Variants in STYX observed in about 807,000 individuals in gnomAD.
The protein encoded by STYX is serine/threonine/tyrosine interacting protein, also known as serine/threonine/tyrosine-interacting protein.
Under a neutral mutation model 42.7 loss-of-function variants are expected in STYX, and 20 were observed. That is an observed-to-expected ratio of 0.47 (90% CI 0.33 to 0.68). The LOEUF is 0.68. Ranked by LOEUF, STYX falls within the 30% of genes least tolerant of loss-of-function variation. STYX has a pLI of 0.02. For missense variants in STYX, 226 were observed against 268.5 expected (o/e 0.84, Z 1.11); for synonymous variants, 78 against 81.9 (o/e 0.95, Z 0.26).
At chr14:52,744,930 T>TA in intron 2 of STYX, 46 bp downstream of exon 2, 2 of 1,585,662 alleles carry the variant, frequency 1.3e-6, no homozygotes, top group Non-Finnish European at 1.7e-6. Context: ...GTTATTATCA[T>TA]AATAAGAACC....
rs955167141 is a variant in STYX at position 52,749,741 on chromosome 14, A to T, written c.145-942A>T. ...TGGTAATTTCTAGAATTGTCATGTT[A>T]AATTGCTTTAAGTATGGAGCCAAAA... is the stretch of plus-strand genomic sequence containing the variant. On this transcript the variant is annotated intron_variant, in intron 3 of 10. Coordinates refer to ENST00000354586, the MANE Select transcript of STYX (RefSeq NM_145251.4). 2.6e-5 allele frequency among the ~76,000 whole-genome samples: 4 copies of T among 152,264 alleles called. No homozygotes were observed. In the East Asian group the frequency reaches 7.7e-4, roughly 29 times the overall value.
chr14:52,768,806 T>C (rs766257739), intron 9 of STYX, 34 bp from the exon 10 acceptor site: 8 of 1,444,992 alleles, frequency 5.5e-6, no homozygotes, highest in Admixed American at 2.1e-5. Flanking sequence ...AATGTAAATA[T>C]ATAATTAAGT....
At chr14:52,758,483 T>C (rs551508727) in intron 8 of STYX, among the ~76,000 whole-genome samples, 14 of 152,366 alleles carry the variant, frequency 9.2e-5, no homozygotes, top group African/African-American at 2.6e-4. Flanking sequence ...CATTGACACA[T>C]CTTTCTATTT....
intron 4 of STYX, among the ~76,000 whole-genome samples, chr14:52,755,352 A>T (rs1316332384): frequency 6.6e-6 from 1 of 151,976 alleles, no homozygotes; most frequent in African/African-American, 2.4e-5. Flanking sequence ...TGAACTCCTG[A>T]CCTCAGGCAA....
In STYX at chr14:52,756,675, C is replaced by CT. The variant is rs748826005; in HGVS notation, c.303+92dup. ...TTTATGATTTGACTTCTTAGTTGTG[C>CT]TTTTTTTTTTTTTTTTTTTTTTTTT... is the stretch of plus-strand genomic sequence containing the variant. On this transcript the variant is annotated intron_variant, in intron 5 of 10. Transcript: ENST00000354586. 359 of 71,908 alleles carry CT rather than the reference C, an allele frequency of 5.0e-3. 59 individuals carry two copies. The highest frequency in any genetic ancestry group is 6.2e-3 in the Non-Finnish European group (248 of 39,714). 4.5% of individuals were successfully genotyped at this position (71,908 alleles called of 1,614,324 possible). A position where few individuals can be genotyped will look rare whatever the true frequency, so the allele number is the denominator to read the frequency against.
chr14:52,770,248 A>G (rs531399120), intron 10 of STYX, among the ~76,000 whole-genome samples: 50 of 152,196 alleles, frequency 3.3e-4, no homozygotes, highest in African/African-American at 1.0e-3. Context: ...TATCTTTATG[A>G]ATTTTATAGT....
rs1328512395 is a variant in STYX at position 52,762,877 on chromosome 14, TC to T, written c.504+3124del. Among the ~76,000 whole-genome samples, 466 of 122,254 alleles carry T rather than the reference TC, an allele frequency of 3.8e-3. 11 individuals are homozygous for T. Among genetic ancestry groups the T allele is most frequent in the African/African-American group, 0.014 (439 of 31,394 alleles). 80.2% of individuals were successfully genotyped at this position (122,254 alleles called of 152,430 possible). ...TTTTTCTTTTCTTTCTTTCTTTCTTTCTTTCTTTTTTTTTTTTTTTTTTTTT... is the reference window on the plus strand; with the variant it reads ...TTTTTCTTTTCTTTCTTTCTTTCTTTTTTCTTTTTTTTTTTTTTTTTTTTT... On this transcript the variant is annotated intron_variant, in intron 9 of 10. Transcript: ENST00000354586.
rs1306575741 is a variant in STYX at position 52,768,832 on chromosome 14, T to C, written c.505-8T>C. 6.4e-7 allele frequency: 1 copy of C among 1,555,344 alleles called. No homozygotes were observed. The highest frequency in any genetic ancestry group is 2.1e-5 in the Admixed American group (1 of 47,964). ...ATAATTAAGTTAATTAACTTATTTT[T>C]TTTTTAGGAATATGAAGCCATCTAC... On this transcript the variant is annotated splice_region_variant and splice_polypyrimidine_tract_variant and intron_variant, in intron 9 of 10. Coordinates refer to ENST00000354586, the MANE Select transcript of STYX (RefSeq NM_145251.4).
At chr14:52,732,922 C>T (rs934577473) in intron 1 of STYX, among the ~76,000 whole-genome samples, 7 of 151,126 alleles carry the variant, frequency 4.6e-5, no homozygotes, top group Non-Finnish European at 1.0e-4. Context: ...CCGCCTGCCT[C>T]GGCCTCCCAA....
At chr14:52,744,803 G>A (rs759000880) in intron 1 of STYX, 49 bp from the exon 2 acceptor site, 4 of 1,578,284 alleles carry the variant, frequency 2.5e-6, no homozygotes, top group Non-Finnish European at 3.5e-6. Context: ...CTTTAATTGG[G>A]TGACTTTTTA....
At chr14:52,764,751 C>T (rs1418280555) in intron 9 of STYX, among the ~76,000 whole-genome samples, 1 of 142,344 alleles carries the variant, frequency 7.0e-6, no homozygotes, top group Non-Finnish European at 1.5e-5. Context: ...TCACTGCAAC[C>T]TTTGCCTCCT....
At position 52,730,511 on chromosome 14, in the gene STYX, C is replaced by A; in HGVS notation, c.37C>A (p.Gln13Lys). The change falls in exon 1 of 11, where the codon CAG (glutamine) becomes AAG (lysine). Residue 13 changes from glutamine (Q) to lysine (K), a missense_variant. By Grantham distance (53) the Gln-to-Lys change is moderately conservative. Coordinates refer to ENST00000354586, the MANE Select transcript of STYX (RefSeq NM_145251.4). ...DVKLEFPSLPQCKEDAEEWTY... is the reference protein window; with the variant it reads ...DVKLEFPSLPKCKEDAEEWTY... ...GAAGCTGGAGTTCCCTTCCCTTCCA[C>A]AGTGCAAGGAAGACGCCGAGGTGAG... 6.2e-7 allele frequency: 1 copy of A among 1,613,688 alleles called. No homozygotes were observed. The highest frequency in any genetic ancestry group is 8.5e-7 in the Non-Finnish European group (1 of 1,179,876).
intron 9 of STYX, 85 bp downstream of exon 9, chr14:52,759,839 G>C: frequency 1.2e-6 from 1 of 843,126 alleles, no homozygotes; most frequent in South Asian, 1.6e-5. Flanking sequence ...TTTACTTTGT[G>C]AATACTTAAA....
chr14:52,769,064 G>T, intron 10 of STYX, 131 bp downstream of exon 10: 1 of 629,494 alleles, frequency 1.6e-6, no homozygotes, highest in Non-Finnish European at 2.7e-6. Flanking sequence ...ATTCCAGAAG[G>T]ATTCATTTTA....
chr14:52,770,109 C>G (rs1882454775), intron 10 of STYX, among the ~76,000 whole-genome samples: 1 of 152,092 alleles, frequency 6.6e-6, no homozygotes, highest in East Asian at 1.9e-4. Flanking sequence ...TGCACTCTTC[C>G]TTTAACCCCT....
intron 5 of STYX, 77 bp downstream of exon 5, chr14:52,756,688 T>C: frequency 3.1e-6 from 2 of 640,776 alleles, no homozygotes; most frequent in Non-Finnish European, 4.8e-6. Context: ...TTTTTTTTTT[T>C]TTTTTTTTTT....
intron 9 of STYX, among the ~76,000 whole-genome samples, chr14:52,767,868 C>T (rs1882370456): frequency 6.6e-6 from 1 of 152,140 alleles, no homozygotes; most frequent in Non-Finnish European, 1.5e-5. Context: ...TATATCCAGG[C>T]TAGAATTGCT....
At position 52,770,397 on chromosome 14, in the gene STYX, C is replaced by T. The variant is rs148870420; in HGVS notation, c.599-636C>T. On this transcript the variant is annotated intron_variant, in intron 10 of 10. Transcript: ENST00000354586. Reference sequence around the variant, plus strand: ...CAGACCCTCTGCTGGTTTAACTGTTCCCTAAAGTTTTCCTCCATTGAGAGT... The same window carrying T: ...CAGACCCTCTGCTGGTTTAACTGTTTCCTAAAGTTTTCCTCCATTGAGAGT... Among the ~76,000 whole-genome samples the T allele has an allele frequency of 7.7e-3, 1,171 of 152,196 alleles. 8 individuals are homozygous for T. The highest frequency in any genetic ancestry group is 0.014 in the Non-Finnish European group (933 of 67,954).
At chr14:52,770,171 C>T (rs924182192) in intron 10 of STYX, among the ~76,000 whole-genome samples, 2 of 152,148 alleles carry the variant, frequency 1.3e-5, no homozygotes, top group Non-Finnish European at 2.9e-5. Context: ...AACTTAATCA[C>T]AGTATCTGGG....
Sources: gnomAD v4.1 joint callset for allele counts (sites outside exome capture counted in the v4.1 genomes callset) on GRCh38, gnomAD v4.1.1 for gene constraint, MANE v1.5 for transcripts, NCBI Gene and HGNC (gene_info 2026-07-23, HGNC 2026-07-21) for gene names.